The following TENM3 variants were observed in gnomAD, a reference collection of about 807,000 sequenced individuals.
TENM3 encodes the protein teneurin-3.
TENM3 carries 63 observed loss-of-function variants against 255.1 expected under a neutral mutation model. The observed-to-expected ratio is 0.25, with a 90% confidence interval of 0.20 to 0.30. The LOEUF is 0.30. Among genes scored for constraint, TENM3 ranks in the 10% least tolerant of loss-of-function variants. The probability of loss-of-function intolerance (pLI) is 1.00; values close to 1 mark genes in which losing one functional copy is unlikely to be tolerated. For synonymous variants in TENM3, 1,306 were observed against 1,322.3 expected (o/e 0.99, Z 0.27); for missense variants, 2,929 against 3,461.1 (o/e 0.85, Z 3.86).
chr4:182,701,209 A>ATTTTTTTTTTTTT (rs1561129558), intron 12 of TENM3, among the ~76,000 whole-genome samples: 4 of 23,858 alleles, frequency 1.7e-4, no homozygotes, highest in South Asian at 1.1e-3. Flanking sequence ...CCAACTCTTG[A>ATTTTTTTTTTTTT]CTTTTTTTTT....
chr4:181,886,048 GTT>G, the TENM3 span, among the ~76,000 whole-genome samples: 2,007 of 102,546 alleles, frequency 0.02, 17 homozygotes, highest in East Asian at 0.059. Context: ...TTTTTCTTGG[GTT>G]TTTTTTTTTT....
the TENM3 span, among the ~76,000 whole-genome samples, chr4:181,849,675 T>C: frequency 1.3e-5 from 2 of 152,198 alleles, no homozygotes; most frequent in Non-Finnish European, 2.9e-5. Flanking sequence ...TTGATGTATG[T>C]TGAGTTTCCC....
the TENM3 span, among the ~76,000 whole-genome samples, chr4:182,124,626 A>T: frequency 6.6e-6 from 1 of 152,204 alleles, no homozygotes; most frequent in South Asian, 2.1e-4. Flanking sequence ...TGGCCAGTAT[A>T]GTAGAACAAT....
chr4:182,766,298 C>G (rs1346381117), intron 22 of TENM3, among the ~76,000 whole-genome samples: 1 of 152,092 alleles, frequency 6.6e-6, no homozygotes, highest in African/African-American at 2.4e-5. Context: ...TAGGAGGTCT[C>G]CATTTCAAGA....
chr4:182,204,606 T>C (rs1279716110), intron 1 of TENM3, among the ~76,000 whole-genome samples: 5 of 152,210 alleles, frequency 3.3e-5, no homozygotes, highest in African/African-American at 9.6e-5. Flanking sequence ...GCTCAGTGCC[T>C]CAACGTAGTC....
chr4:181,656,127 C>A, the TENM3 span, among the ~76,000 whole-genome samples: 2 of 152,050 alleles, frequency 1.3e-5, no homozygotes, highest in African/African-American at 4.8e-5. Context: ...ATTGTAACGG[C>A]GAGCCTTGGG....
chr4:182,664,595 G>A (rs965438117), intron 6 of TENM3, among the ~76,000 whole-genome samples: 5 of 152,182 alleles, frequency 3.3e-5, no homozygotes, highest in Admixed American at 1.3e-4. Flanking sequence ...AGATGAGATC[G>A]GCTGAAAGCT....
the TENM3 span, among the ~76,000 whole-genome samples, chr4:181,847,434 G>T: frequency 6.6e-6 from 1 of 151,992 alleles, no homozygotes; most frequent in East Asian, 1.9e-4. Flanking sequence ...CAATCTGTCT[G>T]CAATCCTACC....
At chr4:181,985,631 T>C in the TENM3 span, among the ~76,000 whole-genome samples, 2 of 152,098 alleles carry the variant, frequency 1.3e-5, no homozygotes, top group South Asian at 2.1e-4. Context: ...CTTTGGATAA[T>C]AGATGTGTCC....
At chr4:181,889,003 A>C in the TENM3 span, among the ~76,000 whole-genome samples, 3 of 152,036 alleles carry the variant, frequency 2.0e-5, no homozygotes, top group Admixed American at 2.0e-4. Flanking sequence ...CATCCCCTCA[A>C]ACGCACCAAG....
At chr4:182,307,556 T>C (rs1488487095) in intron 1 of TENM3, among the ~76,000 whole-genome samples, 1 of 152,154 alleles carries the variant, frequency 6.6e-6, no homozygotes, top group Non-Finnish European at 1.5e-5. Flanking sequence ...AAATTTAAAA[T>C]CCTCCTGACA....
chr4:181,826,330 G>A, the TENM3 span, among the ~76,000 whole-genome samples: 4 of 152,298 alleles, frequency 2.6e-5, no homozygotes, highest in African/African-American at 7.2e-5. Flanking sequence ...GATGTTGGTA[G>A]CACTATCAAT....
chr4:181,690,753 G>A, the TENM3 span, among the ~76,000 whole-genome samples: 1 of 152,096 alleles, frequency 6.6e-6, no homozygotes, highest in Non-Finnish European at 1.5e-5. Context: ...TTATGATTTA[G>A]GTGACATATA....
At chr4:182,080,762 C>T in the TENM3 span, among the ~76,000 whole-genome samples, 10 of 152,134 alleles carry the variant, frequency 6.6e-5, no homozygotes, top group Non-Finnish European at 1.3e-4. Flanking sequence ...GAGGCAAAGG[C>T]AGGAGGATCA....
the TENM3 span, among the ~76,000 whole-genome samples, chr4:181,521,945 T>A: frequency 7.3e-5 from 11 of 150,272 alleles, no homozygotes; most frequent in East Asian, 6.0e-4. Context: ...AAAAAAAAAA[T>A]AAAAAATTAG....
chr4:182,368,560 C>T (rs1766581666), intron 3 of TENM3, among the ~76,000 whole-genome samples: 1 of 152,170 alleles, frequency 6.6e-6, no homozygotes, highest in Non-Finnish European at 1.5e-5. Context: ...ACCATTTTGT[C>T]TCCAAACAGC....
chr4:181,798,044 T>C, the TENM3 span, among the ~76,000 whole-genome samples: 1 of 152,162 alleles, frequency 6.6e-6, no homozygotes, highest in Non-Finnish European at 1.5e-5. Context: ...CTTGCCTATT[T>C]TTCTTCTTCT....
intron 1 of TENM3, among the ~76,000 whole-genome samples, chr4:182,278,527 A>T (rs945501274): frequency 1.3e-5 from 2 of 152,070 alleles, no homozygotes; most frequent in Non-Finnish European, 2.9e-5. Context: ...ACCCCAATCA[A>T]CATCAGCTTT....
At chr4:182,159,152 C>T (rs1306511781) in intron 1 of TENM3, among the ~76,000 whole-genome samples, 1 of 152,176 alleles carries the variant, frequency 6.6e-6, no homozygotes, top group African/African-American at 2.4e-5. Context: ...GGGGCCCCCA[C>T]ACAGCAGACA....
Sources: allele counts gnomAD v4.1 joint callset (sites outside exome capture counted in the v4.1 genomes callset), GRCh38; gene constraint gnomAD v4.1.1; transcripts MANE v1.5; gene names NCBI Gene and HGNC (gene_info 2026-07-23, HGNC 2026-07-21).